The following SPECC1 variants were observed in gnomAD, a reference collection of about 807,000 sequenced individuals.
The protein encoded by SPECC1 is sperm antigen with calponin homology and coiled-coil domains 1, also known as cytospin-B.
SPECC1 carries 62 observed loss-of-function variants against 104.1 expected under a neutral mutation model. The observed-to-expected ratio is 0.60, with a 90% CI of 0.49 to 0.74. The LOEUF is 0.74. SPECC1 is among the 30% of genes least tolerant of loss of function. The pLI is 0.00. For synonymous variants in SPECC1, 513 were observed against 501.6 expected, an observed-to-expected ratio of 1.02 and a Z score of -0.30; for missense variants, 1,306 against 1,310.5, an observed-to-expected ratio of 1.00 and a Z score of 0.05.
intron 2 of SPECC1, among the ~76,000 whole-genome samples, chr17:20,097,256 C>CT (rs1367688404): frequency 2.6e-5 from 4 of 152,190 alleles, no homozygotes; most frequent in African/African-American, 9.7e-5. Flanking sequence ...CCTTTGGTCT[C>CT]TAAGGTTGGG....
intron 1 of SPECC1, among the ~76,000 whole-genome samples, chr17:20,050,146 C>T (rs2045685590): frequency 6.6e-6 from 1 of 152,150 alleles, no homozygotes; most frequent in Admixed American, 6.5e-5. Flanking sequence ...TTTGGTGCTC[C>T]TCACCAACAT....
chr17:20,150,097 C>T (rs554249375), intron 3 of SPECC1, among the ~76,000 whole-genome samples: 3 of 151,556 alleles, frequency 2.0e-5, no homozygotes, highest in Admixed American at 1.3e-4. Context: ...CTCAGCCTCC[C>T]GAGTAGCTGG....
chr17:20,284,503 C>T lies in SPECC1; in HGVS notation c.2941-12458C>T, dbSNP rs141758037. ...TACTAAAACTGGATGTGTGTGTACACTTGTCCCAGGCAAGGACCGAACACT... is the reference window on the plus strand; with the variant it reads ...TACTAAAACTGGATGTGTGTGTACATTTGTCCCAGGCAAGGACCGAACACT... On this transcript the variant is annotated intron_variant, in intron 12 of 14. Transcript: ENST00000395527. Among the ~76,000 whole-genome samples the T allele has an allele frequency of 1.7e-3, 252 of 152,354 alleles. 1 individual carries two copies. The highest frequency in any genetic ancestry group is 5.9e-3 in the African/African-American group (244 of 41,580).
chr17:20,252,711 G>A (rs571968293), intron 9 of SPECC1, among the ~76,000 whole-genome samples: 1 of 152,226 alleles, frequency 6.6e-6, no homozygotes, highest in Non-Finnish European at 1.5e-5. Flanking sequence ...TCTTTTTTAA[G>A]GCTGAATAAT....
intron 3 of SPECC1, among the ~76,000 whole-genome samples, chr17:20,190,083 AAG>A (rs2035559207): frequency 6.8e-6 from 1 of 147,562 alleles, no homozygotes; most frequent in East Asian, 1.9e-4. Flanking sequence ...GACGACCCAA[AAG>A]ACAGTCCAGC....
chr17:20,105,688 C>T (rs938664991), intron 2 of SPECC1, among the ~76,000 whole-genome samples: 4 of 152,172 alleles, frequency 2.6e-5, no homozygotes, highest in Non-Finnish European at 4.4e-5. Flanking sequence ...TCATGACTGG[C>T]GCCACCTATG....
At chr17:20,171,633 G>A (rs2034097887) in intron 3 of SPECC1, among the ~76,000 whole-genome samples, 1 of 151,758 alleles carries the variant, frequency 6.6e-6, no homozygotes, top group Non-Finnish European at 1.5e-5. Flanking sequence ...CTGCAGCCTC[G>A]ACCTCCCAGG....
intron 9 of SPECC1, among the ~76,000 whole-genome samples, chr17:20,253,152 T>A (rs1170933548): frequency 6.6e-6 from 1 of 152,180 alleles, no homozygotes; most frequent in Non-Finnish European, 1.5e-5. Context: ...TTCATATACC[T>A]ATTAACCATT....
chr17:20,238,598 A>G, intron 7 of SPECC1: 1 of 1,042,926 alleles, frequency 9.6e-7, no homozygotes, highest in Non-Finnish European at 1.2e-6. Flanking sequence ...TAGAAAAATT[A>G]GCTTGGCGTG....
chr17:20,145,789 A>T (rs1567876005), intron 3 of SPECC1, among the ~76,000 whole-genome samples: 1 of 152,226 alleles, frequency 6.6e-6, no homozygotes, highest in Non-Finnish European at 1.5e-5. Context: ...GGCAGGAAGG[A>T]AGGAAGGAAG....
intron 4 of SPECC1, among the ~76,000 whole-genome samples, chr17:20,222,188 C>G (rs1050327958): frequency 3.3e-5 from 5 of 152,162 alleles, no homozygotes; most frequent in African/African-American, 1.2e-4. Flanking sequence ...ACAAAATTAG[C>G]TGGGTGTGGT....
chr17:20,262,473 T>C (rs1360087902), intron 12 of SPECC1, among the ~76,000 whole-genome samples: 1 of 152,226 alleles, frequency 6.6e-6, no homozygotes, highest in African/African-American at 2.4e-5. Flanking sequence ...TTGTCAGTCT[T>C]TTTACTCAAG....
At chr17:20,114,215 CAG>C (rs1453402733) in intron 3 of SPECC1, among the ~76,000 whole-genome samples, 1 of 152,056 alleles carries the variant, frequency 6.6e-6, no homozygotes, top group Non-Finnish European at 1.5e-5. Context: ...TTTTTTGAGA[CAG>C]AGTATCAGTC....
chr17:20,010,539 C>T (rs1410174601), intron 1 of SPECC1, among the ~76,000 whole-genome samples: 4 of 152,210 alleles, frequency 2.6e-5, no homozygotes, highest in African/African-American at 9.6e-5. Context: ...AGGATTAACT[C>T]TCCAAGCAAG....
rs112931278 is a variant in SPECC1, at chr17:20,317,737, A to AC, written c.*3672_*3673insC. On this transcript the variant is annotated 3_prime_UTR_variant, in exon 15 of 15. Coordinates refer to ENST00000395527, the MANE Select transcript of SPECC1 (RefSeq NM_001243439.2). ...CAAGACCCTGTCACACACACACACA[A>AC]AAAAAAGAAATACAGGTGGTGTTTT... is the stretch of plus-strand genomic sequence containing the variant. The AC allele has an allele frequency of 4.5e-3, 969 of 213,270 alleles. 9 individuals are homozygous for AC. Among genetic ancestry groups the AC allele is most frequent in the African/African-American group, 0.019 (845 of 44,164 alleles). The allele number at this position is 213,270 out of a possible 1,614,324, so 13.2% of individuals were successfully genotyped here.
chr17:20,124,996 C>T (rs1452871158), intron 3 of SPECC1, among the ~76,000 whole-genome samples: 7 of 152,010 alleles, frequency 4.6e-5, no homozygotes, highest in East Asian at 1.9e-4. Context: ...CTGACTAACA[C>T]GGTAAAACCC....
At chr17:20,083,724 G>A (rs952458130) in intron 1 of SPECC1, among the ~76,000 whole-genome samples, 1 of 152,190 alleles carries the variant, frequency 6.6e-6, no homozygotes, top group Non-Finnish European at 1.5e-5. Flanking sequence ...ATGTTTGTGT[G>A]AATACAAATT....
chr17:20,159,425 C>G lies in SPECC1; in HGVS notation c.284-44908C>G, dbSNP rs79160805. ...TCCATGGTTGACTGCCACAGGACCT[C>G]AGTTGCTTGGACAGGGAGAGTCTCT... On this transcript the variant is annotated intron_variant, in intron 3 of 14. Coordinates refer to ENST00000395527, the MANE Select transcript of SPECC1 (RefSeq NM_001243439.2). 1.6e-3 allele frequency among the ~76,000 whole-genome samples: 245 copies of G among 152,320 alleles called. 1 individual carries two copies. Among genetic ancestry groups the G allele is most frequent in the African/African-American group, 5.7e-3 (239 of 41,566 alleles).
intron 1 of SPECC1, among the ~76,000 whole-genome samples, chr17:20,042,733 G>A (rs1417953936): frequency 6.6e-6 from 1 of 152,052 alleles, no homozygotes; most frequent in Non-Finnish European, 1.5e-5. Flanking sequence ...GCTTTTCTTG[G>A]GGCTTTTCAA....
Sources: gnomAD v4.1 joint callset for allele counts (sites outside exome capture counted in the v4.1 genomes callset) on GRCh38, gnomAD v4.1.1 for gene constraint, MANE v1.5 for transcripts, NCBI Gene and HGNC (gene_info 2026-07-23, HGNC 2026-07-21) for gene names.